FAM111A: variants seen among roughly 807,000 people sequenced by gnomAD.
The protein encoded by FAM111A is FAM111 trypsin like peptidase A.
In FAM111A, 8 loss-of-function variants were observed where a neutral mutation model predicts 3.3. That is an observed-to-expected ratio of 2.39 (90% CI 1.40 to 4.32). FAM111A has a LOEUF of 4.32. FAM111A is among the 30% of genes most tolerant of loss of function. FAM111A has a pLI of 0.00. For missense variants in FAM111A, 683 were observed against 727.6 expected, an observed-to-expected ratio of 0.94 and a Z score of 0.71; for synonymous variants, 227 against 243.1, an observed-to-expected ratio of 0.93 and a Z score of 0.62.
intron 5 of FAM111A, among the ~76,000 whole-genome samples, chr11:59,149,571 A>G (rs956248049): frequency 6.6e-6 from 1 of 152,268 alleles, no homozygotes; most frequent in East Asian, 1.9e-4. Flanking sequence ...AATATGTTAC[A>G]GTAAACTATG....
rs1860794628 is a variant in FAM111A, at chr11:59,145,852, C to T, written c.-81C>T. ...GTTCTCTGCTGTTTAAAAAGTATCC[C>T]TGTGGTGAGTGTATTGATATTGATA... On this transcript the variant is annotated 5_prime_UTR_variant, in exon 4 of 6. Coordinates refer to ENST00000675163, the MANE Select transcript of FAM111A (RefSeq NM_001312909.2). 2 of 151,986 alleles carry T rather than the reference C, an allele frequency of 1.3e-5. No homozygotes were observed. The highest frequency in any genetic ancestry group is 4.8e-5 in the African/African-American group (2 of 41,356). 9.4% of individuals were successfully genotyped at this position (151,986 alleles called of 1,614,324 possible).
Position 59,153,600 on chromosome 11 carries a change from C to A in FAM111A, c.*96C>A. On this transcript the variant is annotated 3_prime_UTR_variant, in exon 6 of 6. Coordinates refer to ENST00000675163, the MANE Select transcript of FAM111A (RefSeq NM_001312909.2). ...CTAAACTCCAAAATGGTCATCTTAT[C>A]AATAATAATAATATTGACCATTTCC... 2.3e-6 allele frequency: 2 copies of A among 862,418 alleles called. No homozygotes were observed. The highest frequency in any genetic ancestry group is 3.6e-6 in the Non-Finnish European group (2 of 559,848). The allele number at this position is 862,418 out of a possible 1,614,324, so 53.4% of individuals were successfully genotyped here.
rs138457522 is a variant in FAM111A at position 59,152,821 on chromosome 11, C to T, written c.1153C>T (p.His385Tyr). ...AGGATTGTTCATTTTAACTTGTCGG[C>T]ATGTAATAGATAGCATTGTGGGAGA... ...FKGLFILTCR[H>Y]VIDSIVGDGI... Residue 385 changes from histidine (H) to tyrosine (Y), a missense_variant, in exon 6 of 6, where the codon CAT becomes TAT. His to Tyr is a moderately conservative substitution (Grantham distance 83, BLOSUM62 2). This residue lies in a region of FAM111A where 557 missense variants were observed against 600.2 expected (regional missense o/e 0.93). Coordinates refer to ENST00000675163, the MANE Select transcript of FAM111A (RefSeq NM_001312909.2). 9.9e-5 allele frequency: 160 copies of T among 1,614,100 alleles called. No homozygotes were observed. In the Middle Eastern group the frequency reaches 1.2e-3, roughly 12 times the overall value.
rs1161222869 is a variant in FAM111A, at chr11:59,145,813, A to T, written c.-106-14A>T. 2 of 151,332 alleles carry T rather than the reference A, an allele frequency of 1.3e-5. No individual in the cohort carries two copies. The highest frequency in any genetic ancestry group is 1.9e-4 in the East Asian group (1 of 5,162). The allele number at this position is 151,332 out of a possible 1,614,324, so 9.4% of individuals were successfully genotyped here. A position where few individuals can be genotyped will look rare whatever the true frequency, so the allele number is the denominator to read the frequency against. On this transcript the variant is annotated splice_polypyrimidine_tract_variant and intron_variant, in intron 3 of 5. Coordinates refer to ENST00000675163, the MANE Select transcript of FAM111A (RefSeq NM_001312909.2). ...CCAGTTCCGCAATTGTACATTTTCTATTTTTTTTCCTAGGTTCTCTGCTGT... is the reference window on the plus strand; with the variant it reads ...CCAGTTCCGCAATTGTACATTTTCTTTTTTTTTTCCTAGGTTCTCTGCTGT...
In FAM111A at chr11:59,154,494, C is replaced by T. The variant is rs1862088158; in HGVS notation, c.*990C>T. 6.6e-6 allele frequency: 1 copy of T among 152,176 alleles called. No homozygotes were observed. The highest frequency in any genetic ancestry group is 1.5e-5 in the Non-Finnish European group (1 of 68,038). The allele number at this position is 152,176 out of a possible 1,614,324, so 9.4% of individuals were successfully genotyped here. On this transcript the variant is annotated 3_prime_UTR_variant, in exon 6 of 6. Transcript: ENST00000675163. ...ATGTTATGTATTTCTCATTGTTTTA[C>T]TTCTTCATGGTATTATGAAGACTAT...
At position 59,148,994 on chromosome 11, in the gene FAM111A, T is replaced by C. The variant is rs769268368; in HGVS notation, c.81+41T>C. 3.5e-6 allele frequency: 5 copies of C among 1,428,562 alleles called. No homozygotes were observed. The Admixed American group carries it at 6.8e-5, about 19-fold the overall frequency. 88.5% of individuals were successfully genotyped at this position (1,428,562 alleles called of 1,614,324 possible). ...CTACTTATGTAATCTAGTCATCCCTTGGTATCCATGTGAGATTTGTTCCAG... is the reference window on the plus strand; with the variant it reads ...CTACTTATGTAATCTAGTCATCCCTCGGTATCCATGTGAGATTTGTTCCAG... On this transcript the variant is annotated intron_variant, in intron 5 of 5. Transcript: ENST00000675163.
Position 59,152,206 on chromosome 11 carries a change from G to T in FAM111A, c.538G>T (p.Glu180Ter), listed in dbSNP as rs1296885330. 5.0e-6 allele frequency: 8 copies of T among 1,614,184 alleles called. 1 individual carries two copies. Among genetic ancestry groups the T allele is most frequent in the Non-Finnish European group, 6.8e-6 (8 of 1,180,046 alleles). ...TGGCAGGCAGGACAAAGCATCGACT[G>T]AATGTGTCAAATTTTACATTCATGC... ...IFGRQDKAST[E>*]CVKFYIHAIG... The change falls in exon 6 of 6, where the codon GAA (glutamate) becomes TAA (stop). Residue 180 changes from glutamate (E) to a stop codon, truncating the protein, a stop_gained. Coordinates refer to ENST00000675163, the MANE Select transcript of FAM111A (RefSeq NM_001312909.2). LOFTEE classifies it low-confidence loss of function (END_TRUNC).
chr11:59,151,823 C>A lies in FAM111A; in HGVS notation c.155C>A (p.Thr52Lys). The A allele has an allele frequency of 6.2e-7, 1 of 1,614,094 alleles. No homozygotes were observed. The change falls in exon 6 of 6, where the codon ACA (threonine) becomes AAA (lysine). Residue 52 changes from threonine to lysine, a missense_variant. By Grantham distance (78) the Thr-to-Lys change is moderately conservative. This residue lies in a region of FAM111A where 557 missense variants were observed against 600.2 expected (regional missense o/e 0.93). Coordinates refer to ENST00000675163, the MANE Select transcript of FAM111A (RefSeq NM_001312909.2). Reference protein sequence around the residue: ...RMESRGDPRATTNTQAQRFHS... With the variant: ...RMESRGDPRAKTNTQAQRFHS... Reference sequence around the variant, plus strand: ...GAGTCTAGAGGAGACCCAAGAGCCACAACTAATACCCAGGCTCAAAGATTC... The same window carrying A: ...GAGTCTAGAGGAGACCCAAGAGCCAAAACTAATACCCAGGCTCAAAGATTC...
In FAM111A at chr11:59,151,916, A is replaced by T; in HGVS notation, c.248A>T (p.Lys83Met). The T allele has an allele frequency of 1.2e-6, 2 of 1,614,206 alleles. No individual in the cohort carries two copies. The highest frequency in any genetic ancestry group is 2.2e-5 in the South Asian group (2 of 91,084). ...PQNRTIYVTL[K>M]VNHRRNQDMK... ...AATAGGACAATATATGTTACCTTGA[A>T]GGTAAACCACAGGAGAAACCAAGAT... The change falls in exon 6 of 6, where the codon AAG becomes ATG. Residue 83 changes from lysine to methionine, a missense_variant. Around this residue, in one of 3 missense-constraint regions of FAM111A, gnomAD observed 557 missense variants for 600.2 expected, o/e 0.93. Coordinates refer to ENST00000675163, the MANE Select transcript of FAM111A (RefSeq NM_001312909.2).
At position 59,152,169 on chromosome 11, in the gene FAM111A, T is replaced by C. The variant is rs1413388214; in HGVS notation, c.501T>C (p.Asp167=). The C allele has an allele frequency of 1.2e-6, 2 of 1,614,052 alleles. No homozygotes were observed. The highest frequency in any genetic ancestry group is 2.7e-5 in the African/African-American group (2 of 74,930). ...FSQSKSKQKE[D]NHIFGRQDKA... Reference sequence around the variant, plus strand: ...AAAGTAAAAGTAAGCAGAAGGAAGATAACCACATATTTGGCAGGCAGGACA... The same window carrying C: ...AAAGTAAAAGTAAGCAGAAGGAAGACAACCACATATTTGGCAGGCAGGACA... The change falls in exon 6 of 6, where the codon GAT becomes GAC. Residue 167 remains aspartate, a synonymous_variant. Transcript: ENST00000675163.
In FAM111A at chr11:59,152,886, A is replaced by G. The variant is rs977506830; in HGVS notation, c.1218A>G (p.Gln406=). 4.3e-6 allele frequency: 7 copies of G among 1,614,048 alleles called. No individual in the cohort carries two copies. The Admixed American group carries it at 1.0e-4, about 23-fold the overall frequency. ...GTAAGTGGGCAACCATAATTGGTCA[A>G]TGTGTAAGGGTGACATTTGGTTATG... The part of the protein sequence containing the change: ...EPSKWATIIG[Q]CVRVTFGYEE... Residue 406 remains glutamine, a synonymous_variant, in exon 6 of 6, where the codon CAA becomes CAG. Transcript: ENST00000675163.
Position 59,143,079 on chromosome 11 carries a change from A to G in FAM111A, c.-527-4A>G, listed in dbSNP as rs1430981049. ...TCCAACCACTCTTTTTTGCACGCCA[A>G]CAGGTGTCCCCAGCGCAGCCAATCG... On this transcript the variant is annotated splice_polypyrimidine_tract_variant and splice_region_variant and intron_variant, in intron 1 of 5. Transcript: ENST00000675163. 6.6e-6 allele frequency: 1 copy of G among 152,310 alleles called. No homozygotes were observed. The highest frequency in any genetic ancestry group is 1.5e-5 in the Non-Finnish European group (1 of 68,132). 9.4% of individuals were successfully genotyped at this position (152,310 alleles called of 1,614,324 possible).
rs750347279 is a variant in FAM111A at position 59,155,023 on chromosome 11, T to C, written c.*1519T>C. The stretch of plus-strand genomic sequence containing the variant: ...CTTCTGTTTGTAAGTTCCTATTAAA[T>C]GTTTCTTTCTGAGAAACCGTATTTG... On this transcript the variant is annotated 3_prime_UTR_variant, in exon 6 of 6. Transcript: ENST00000675163. 2 of 152,226 alleles carry C rather than the reference T, an allele frequency of 1.3e-5. No homozygotes were observed. The highest frequency in any genetic ancestry group is 2.9e-5 in the Non-Finnish European group (2 of 68,040). 9.4% of individuals were successfully genotyped at this position (152,226 alleles called of 1,614,324 possible).
rs1303288328 is a variant in FAM111A, at chr11:59,153,183, A to AG, written c.1516dup (p.Ala506GlyfsTer23). 1 of 1,614,224 alleles carries AG rather than the reference A, an allele frequency of 6.2e-7. No individual in the cohort carries two copies. The highest frequency in any genetic ancestry group is 8.5e-7 in the Non-Finnish European group (1 of 1,180,044). On this transcript the variant is annotated frameshift_variant, in exon 6 of 6. Transcript: ENST00000675163. LOFTEE classifies it low-confidence loss of function (END_TRUNC). Reference sequence around the variant, plus strand: ...GTCAGGAACGTGTTCAGTCTAAAAAAGCAGAAAGTCCAGAGTATGTCCATA... The same window carrying AG: ...GTCAGGAACGTGTTCAGTCTAAAAAAGGCAGAAAGTCCAGAGTATGTCCATA...
intron 5 of FAM111A, among the ~76,000 whole-genome samples, chr11:59,149,548 A>G (rs1190533302): frequency 6.6e-6 from 1 of 152,234 alleles, no homozygotes; most frequent in East Asian, 1.9e-4. Flanking sequence ...AATAACAACA[A>G]AAACTTCAAT....
chr11:59,148,668 G>C (rs982783949), intron 4 of FAM111A, 129 bp from the exon 5 acceptor site: 1 of 532,430 alleles, frequency 1.9e-6, no homozygotes, highest in South Asian at 2.8e-5. Context: ...TTGTTAAGGT[G>C]ATTATAGTTG....
At chr11:59,150,485 G>A (rs1861509836) in intron 5 of FAM111A, among the ~76,000 whole-genome samples, 2 of 152,206 alleles carry the variant, frequency 1.3e-5, no homozygotes, top group South Asian at 4.2e-4. Context: ...ATATCTGCTG[G>A]TACCCATGCC....
rs1227653417 is a variant in FAM111A at position 59,153,238 on chromosome 11, G to A, written c.1570G>A (p.Val524Ile). 5.0e-6 allele frequency: 8 copies of A among 1,614,052 alleles called. No homozygotes were observed. Among genetic ancestry groups the A allele is most frequent in the African/African-American group, 1.3e-5 (1 of 74,920 alleles). The change falls in exon 6 of 6, where the codon GTT becomes ATT. Residue 524 changes from valine (V) to isoleucine (I), a missense_variant. By Grantham distance (29) the Val-to-Ile change is conservative (BLOSUM62 3). Transcript: ENST00000675163. ...MYTQRSFQKI[V>I]HNPDVITYDT... ...TACTCAAAGAAGTTTCCAGAAAATA[G>A]TTCACAACCCTGATGTGATTACCTA...
intron 4 of FAM111A, among the ~76,000 whole-genome samples, chr11:59,147,782 G>A (rs1861121951): frequency 6.6e-6 from 1 of 152,140 alleles, no homozygotes; most frequent in Non-Finnish European, 1.5e-5. Flanking sequence ...CTAATAAATT[G>A]TTCATAATAA....
Sources: allele counts gnomAD v4.1 joint callset (sites outside exome capture counted in the v4.1 genomes callset), GRCh38; gene constraint gnomAD v4.1.1; regional missense constraint gnomAD v4.1.1; transcripts MANE v1.5; gene names NCBI Gene and HGNC (gene_info 2026-07-23, HGNC 2026-07-21).